Variants in AQR observed in about 807,000 individuals in gnomAD.
The protein encoded by AQR is aquarius intron-binding spliceosomal factor.
Under a neutral mutation model 180.5 loss-of-function variants are expected in AQR, and 61 were observed. The observed-to-expected ratio is 0.34, with a 90% CI of 0.28 to 0.42. The LOEUF is 0.42. Among genes scored for constraint, AQR ranks in the 10% least tolerant of loss-of-function variants. AQR has a pLI of 1.00. For missense variants in AQR, 1,281 were observed against 1,798.3 expected (o/e 0.71, Z 5.20); for synonymous variants, 551 against 588.8 (o/e 0.94, Z 0.93).
chr15:34,881,877 C>G (rs965760081), intron 27 of AQR, among the ~76,000 whole-genome samples: 14 of 152,190 alleles, frequency 9.2e-5, no homozygotes, highest in Non-Finnish European at 2.9e-5. Flanking sequence ...ACAATCTCGG[C>G]TCACTGCAAC....
intron 30 of AQR, 27 bp from the exon 31 acceptor site, chr15:34,870,949 G>T: frequency 6.3e-7 from 1 of 1,582,908 alleles, no homozygotes; most frequent in Non-Finnish European, 8.6e-7. Flanking sequence ...ATCAGACTGT[G>T]CATTCATTTG....
chr15:34,904,617 C>A, intron 18 of AQR, 112 bp from the exon 19 acceptor site: 1 of 997,116 alleles, frequency 1.0e-6, no homozygotes, highest in Non-Finnish European at 1.4e-6. Flanking sequence ...GGCTTAACTC[C>A]AACCATTCTT....
intron 5 of AQR, 81 bp from the exon 6 acceptor site, chr15:34,944,509 A>T: frequency 4.3e-6 from 6 of 1,405,528 alleles, no homozygotes; most frequent in Non-Finnish European, 5.7e-6. Flanking sequence ...GCTTTTTAGC[A>T]GTCTATTAAA....
chr15:34,900,580 C>T, intron 20 of AQR, 42 bp downstream of exon 20: 1 of 1,588,664 alleles, frequency 6.3e-7, no homozygotes, highest in South Asian at 1.2e-5. Context: ...CGTACATTGA[C>T]TACAGAATGC....
chr15:34,898,963 C>G (rs890846543), intron 20 of AQR, among the ~76,000 whole-genome samples: 3 of 150,488 alleles, frequency 2.0e-5, no homozygotes, highest in Admixed American at 6.7e-5. Context: ...GTCAGCAGAT[C>G]GAGACCATCC....
intron 27 of AQR, among the ~76,000 whole-genome samples, chr15:34,877,480 T>C (rs909286706): frequency 2.0e-5 from 3 of 151,928 alleles, no homozygotes; most frequent in Non-Finnish European, 4.4e-5. Flanking sequence ...TTCCCTATTA[T>C]AATGATTAGG....
chr15:34,868,717 A>G (rs1470228078), intron 31 of AQR: 1 of 152,130 alleles, frequency 6.6e-6, no homozygotes, highest in Non-Finnish European at 1.5e-5. Flanking sequence ...ACTACAGATT[A>G]TTTTTTGCCA....
chr15:34,954,046 C>T (rs188575440), intron 3 of AQR, among the ~76,000 whole-genome samples: 1 of 152,252 alleles, frequency 6.6e-6, no homozygotes, highest in East Asian at 1.9e-4. Flanking sequence ...TCTTGAGTAG[C>T]TGGGATTACA....
At chr15:34,916,882 C>CAAA (rs71119988) in intron 15 of AQR, among the ~76,000 whole-genome samples, 138 of 79,182 alleles carry the variant, frequency 1.7e-3, no homozygotes, top group Non-Finnish European at 2.2e-3. Flanking sequence ...TTCAGCAGAA[C>CAAA]AAAAAAAAAA....
At chr15:34,903,875 TAA>T (rs1893372013) in intron 19 of AQR, among the ~76,000 whole-genome samples, 1 of 16,258 alleles carries the variant, frequency 6.2e-5, no homozygotes, top group South Asian at 6.8e-3. Flanking sequence ...CCTTTCCTAC[TAA>T]TGAGTAAAAA....
intron 5 of AQR, 151 bp downstream of exon 5, chr15:34,948,113 A>T: frequency 2.5e-6 from 2 of 797,724 alleles, no homozygotes; most frequent in Non-Finnish European, 3.7e-6. Flanking sequence ...AAGAAAACAT[A>T]TCTTTCACAT....
At chr15:34,910,738 G>A (rs1327189617) in intron 16 of AQR, among the ~76,000 whole-genome samples, 1 of 152,188 alleles carries the variant, frequency 6.6e-6, no homozygotes, top group Non-Finnish European at 1.5e-5. Flanking sequence ...AATACAATGT[G>A]ATGTTTTAAA....
At chr15:34,865,188 G>A (rs1363200947) in intron 32 of AQR, among the ~76,000 whole-genome samples, 7 of 152,068 alleles carry the variant, frequency 4.6e-5, no homozygotes, top group Non-Finnish European at 8.8e-5. Flanking sequence ...AAACAACAAC[G>A]CCAACACTCT....
chr15:34,947,348 C>T (rs1480304786), intron 5 of AQR, among the ~76,000 whole-genome samples: 1 of 150,532 alleles, frequency 6.6e-6, no homozygotes, highest in Non-Finnish European at 1.5e-5. Context: ...TCCCTAATCT[C>T]AAGTACCCAG....
At position 34,969,538 on chromosome 15, in the gene AQR, C is replaced by T. The variant is rs2050332510; in HGVS notation, c.75+1G>A. Reference sequence around the variant, plus strand: ...CACACACCAGACTCGCCCGAGCTCACCTGGGTCACGAACTCCGCATTGATT... The same window carrying T: ...CACACACCAGACTCGCCCGAGCTCATCTGGGTCACGAACTCCGCATTGATT... On this transcript the variant is annotated splice_donor_variant, in intron 1 of 34. Coordinates refer to ENST00000156471, the MANE Select transcript of AQR (RefSeq NM_014691.3). LOFTEE classifies it high-confidence loss of function. 6.2e-7 allele frequency: 1 copy of T among 1,613,678 alleles called. No individual in the cohort carries two copies. Among genetic ancestry groups the T allele is most frequent in the Non-Finnish European group, 8.5e-7 (1 of 1,180,014 alleles).
chr15:34,965,476 G>A (rs1039008500), intron 1 of AQR, among the ~76,000 whole-genome samples: 1 of 152,126 alleles, frequency 6.6e-6, no homozygotes, highest in African/African-American at 2.4e-5. Context: ...TTCAAGACCA[G>A]CCTGGCCAAC....
In AQR at chr15:34,856,734, A is replaced by G. The variant is rs1033161463; in HGVS notation, c.*58T>C. 1.5e-6 allele frequency: 2 copies of G among 1,374,642 alleles called. No individual in the cohort carries two copies. Among genetic ancestry groups the G allele is most frequent in the African/African-American group, 2.9e-5 (2 of 69,034 alleles). The allele number at this position is 1,374,642 out of a possible 1,614,324, so 85.2% of individuals were successfully genotyped here. On this transcript the variant is annotated 3_prime_UTR_variant, in exon 35 of 35. Coordinates refer to ENST00000156471, the MANE Select transcript of AQR (RefSeq NM_014691.3). ...CAGAAGCAAATATAAAATACAAAAA[A>G]CAGCTTTACTCAGACTTTTTGACTG... is the stretch of plus-strand genomic sequence containing the variant.
intron 2 of AQR, among the ~76,000 whole-genome samples, chr15:34,962,082 G>A (rs2050282793): frequency 6.7e-6 from 1 of 149,564 alleles, no homozygotes; most frequent in Non-Finnish European, 1.5e-5. Flanking sequence ...GAGTGTAGCA[G>A]TGCAATCACA....
chr15:34,924,516 C>A (rs1045805961), intron 13 of AQR, among the ~76,000 whole-genome samples: 2 of 151,894 alleles, frequency 1.3e-5, no homozygotes, highest in Admixed American at 6.6e-5. Flanking sequence ...ACTGCAACCT[C>A]CACCTCCCAA....
Sources: gnomAD v4.1 joint callset for allele counts (sites outside exome capture counted in the v4.1 genomes callset) on GRCh38, gnomAD v4.1.1 for gene constraint, MANE v1.5 for transcripts, NCBI Gene and HGNC (gene_info 2026-07-23, HGNC 2026-07-21) for gene names.